SP4: variants seen among roughly 807,000 people sequenced by gnomAD.
The protein encoded by SP4 is Sp4 transcription factor, also known as transcription factor Sp4.
Under a neutral mutation model 72.8 loss-of-function variants are expected in SP4, and 19 were observed. That is an observed-to-expected ratio of 0.26 (90% CI 0.18 to 0.38). The LOEUF (loss-of-function observed/expected upper bound fraction) is 0.38. Ranked by LOEUF, SP4 falls within the 10% of genes least tolerant of loss-of-function variation. The pLI is 1.00. For synonymous variants in SP4, 395 were observed against 333.1 expected (o/e 1.19, Z -2.02); for missense variants, 1,008 against 926.3 (o/e 1.09, Z -1.14).
In SP4 at chr7:21,435,969, A is replaced by G. The variant is rs543276022; in HGVS notation, c.1678+5126A>G. 4.6e-5 allele frequency among the ~76,000 whole-genome samples: 7 copies of G among 152,040 alleles called. No individual in the cohort carries two copies. The South Asian group carries it at 1.5e-3, about 32-fold the overall frequency. On this transcript the variant is annotated intron_variant, in intron 3 of 5. Transcript: ENST00000222584. The stretch of plus-strand genomic sequence containing the variant: ...CCAGGCTGGAGTGCAGTGGCACGAT[A>G]TCTGTTCCAACCTCCACCTCCTGGG...
chr7:21,469,630 C>T (rs541149642), intron 3 of SP4, among the ~76,000 whole-genome samples: 1 of 151,008 alleles, frequency 6.6e-6, no homozygotes, highest in African/African-American at 2.4e-5. Context: ...CAACCTCCGC[C>T]TCCCGGATCC....
intron 3 of SP4, among the ~76,000 whole-genome samples, chr7:21,447,647 C>G (rs1023333905): frequency 6.6e-5 from 10 of 152,164 alleles, no homozygotes; most frequent in Admixed American, 5.9e-4. Context: ...TACTGGCATG[C>G]ATAGAGTTTA....
At chr7:21,433,308 T>C (rs1017587686) in intron 3 of SP4, among the ~76,000 whole-genome samples, 1 of 152,218 alleles carries the variant, frequency 6.6e-6, no homozygotes, top group Admixed American at 6.5e-5. Context: ...CATAGTTGGA[T>C]TCTTTTCCCC....
At chr7:21,479,054 C>G (rs542709832) in intron 4 of SP4, among the ~76,000 whole-genome samples, 1 of 146,180 alleles carries the variant, frequency 6.8e-6, no homozygotes, top group Non-Finnish European at 1.5e-5. Flanking sequence ...GGTGAAAGAG[C>G]GAAACTCCAT....
intron 5 of SP4, among the ~76,000 whole-genome samples, chr7:21,490,501 C>T (rs979573478): frequency 2.6e-5 from 4 of 152,226 alleles, no homozygotes; most frequent in African/African-American, 9.6e-5. Flanking sequence ...TCTGTCTTGC[C>T]ACTTCTACTC....
chr7:21,440,641 G>A (rs1045403019), intron 3 of SP4, among the ~76,000 whole-genome samples: 1 of 152,024 alleles, frequency 6.6e-6, no homozygotes, highest in Non-Finnish European at 1.5e-5. Context: ...CTTGAGCTCA[G>A]GAGTTTGAGA....
chr7:21,431,602 T>C (rs1355870905), intron 3 of SP4, among the ~76,000 whole-genome samples: 3 of 152,262 alleles, frequency 2.0e-5, no homozygotes, highest in Non-Finnish European at 2.9e-5. Flanking sequence ...AAAGTTATTT[T>C]TAAACCTATT....
chr7:21,485,166 A>G (rs1418642256), intron 5 of SP4, among the ~76,000 whole-genome samples: 1 of 151,952 alleles, frequency 6.6e-6, no homozygotes, highest in Admixed American at 6.6e-5. Context: ...TGAAATAAGT[A>G]TTGATTAAGC....
At chr7:21,445,766 A>C (rs1783402301) in intron 3 of SP4, among the ~76,000 whole-genome samples, 2 of 152,160 alleles carry the variant, frequency 1.3e-5, no homozygotes, top group South Asian at 4.1e-4. Flanking sequence ...CTGTTTCATC[A>C]CAAATCCTTG....
chr7:21,482,228 G>A, intron 5 of SP4, 105 bp downstream of exon 5: 1 of 834,098 alleles, frequency 1.2e-6, no homozygotes, highest in Non-Finnish European at 1.9e-6. Flanking sequence ...AAATGAAGGA[G>A]AAGGCATTTA....
At position 21,491,483 on chromosome 7, in the gene SP4, C is replaced by G. The variant is rs374932178; in HGVS notation, c.2107+9360C>G. Among the ~76,000 whole-genome samples the G allele has an allele frequency of 3.3e-5, 5 of 152,182 alleles. No homozygotes were observed. In the South Asian group the frequency reaches 1.0e-3, roughly 32 times the overall value. On this transcript the variant is annotated intron_variant, in intron 5 of 5. Coordinates refer to ENST00000222584, the MANE Select transcript of SP4 (RefSeq NM_003112.5). ...GTCTCCCAGAAGGAAAGGAAAAATACTGCTGTAAGACAAAATTTGAAGAAA... is the reference window on the plus strand; with the variant it reads ...GTCTCCCAGAAGGAAAGGAAAAATAGTGCTGTAAGACAAAATTTGAAGAAA...
At chr7:21,470,749 G>GAAAAAAAAAAAAAAAAAAAAAAAGA (rs11406915) in intron 3 of SP4, among the ~76,000 whole-genome samples, 1 of 105,348 alleles carries the variant, frequency 9.5e-6, no homozygotes. Flanking sequence ...TCTATATTTG[G>GAAAAAAAAAAAAAAAAAAAAAAAGA]AAAAAAAAAA....
intron 5 of SP4, among the ~76,000 whole-genome samples, chr7:21,506,557 T>C (rs1187892931): frequency 6.6e-6 from 1 of 152,222 alleles, no homozygotes; most frequent in Non-Finnish European, 1.5e-5. Flanking sequence ...GTAAGTCTTT[T>C]CTGACTACCT....
rs1160894606 is a variant in SP4, at chr7:21,430,171, G to A, written c.1006G>A (p.Asp336Asn). ...TTASTSLTSS[D>N]TLVSSADTGQ... The stretch of plus-strand genomic sequence containing the variant: ...TGCTTCAACGTCTTTGACAAGCAGT[G>A]ACACATTAGTGAGCTCAGCAGATAC... The change falls in exon 3 of 6, where the codon GAC becomes AAC. Residue 336 changes from aspartate to asparagine, a missense_variant. Asp to Asn is a conservative substitution (Grantham distance 23). Coordinates refer to ENST00000222584, the MANE Select transcript of SP4 (RefSeq NM_003112.5). 1.2e-6 allele frequency: 2 copies of A among 1,614,050 alleles called. No homozygotes were observed. The highest frequency in any genetic ancestry group is 1.7e-6 in the Non-Finnish European group (2 of 1,180,040).
chr7:21,450,955 G>A (rs1783576412), intron 3 of SP4, among the ~76,000 whole-genome samples: 1 of 152,202 alleles, frequency 6.6e-6, no homozygotes. Context: ...CCAAGCGGGC[G>A]ACATGAGAGT....
At chr7:21,478,639 T>G (rs1784586199) in intron 4 of SP4, among the ~76,000 whole-genome samples, 1 of 152,248 alleles carries the variant, frequency 6.6e-6, no homozygotes, top group Non-Finnish European at 1.5e-5. Flanking sequence ...TTGTTCTTAT[T>G]GGCCATGTTT....
intron 4 of SP4, among the ~76,000 whole-genome samples, chr7:21,477,546 C>A (rs115125277): frequency 1.3e-5 from 2 of 152,112 alleles, no homozygotes; most frequent in East Asian, 1.9e-4. Context: ...ACCCCTCCCC[C>A]ACCCCAACAA....
At position 21,488,405 on chromosome 7, in the gene SP4, C is replaced by A. The variant is rs79273261; in HGVS notation, c.2107+6282C>A. ...CATTGACTGTCTTCTAGAACATATTCTCTTCCTTGACAATTTATTTTCTAG... is the reference window on the plus strand; with the variant it reads ...CATTGACTGTCTTCTAGAACATATTATCTTCCTTGACAATTTATTTTCTAG... On this transcript the variant is annotated intron_variant, in intron 5 of 5. Coordinates refer to ENST00000222584, the MANE Select transcript of SP4 (RefSeq NM_003112.5). Among the ~76,000 whole-genome samples, 6 of 150,986 alleles carry A rather than the reference C, an allele frequency of 4.0e-5. No homozygotes were observed. The East Asian group carries it at 1.2e-3, about 29-fold the overall frequency.
chr7:21,450,701 C>T (rs1431700511), intron 3 of SP4, among the ~76,000 whole-genome samples: 2 of 152,168 alleles, frequency 1.3e-5, no homozygotes, highest in Admixed American at 1.3e-4. Context: ...AGTTAACTCT[C>T]TGCCCAGGAA....
Sources: gnomAD v4.1 joint callset for allele counts (sites outside exome capture counted in the v4.1 genomes callset) on GRCh38, gnomAD v4.1.1 for gene constraint, MANE v1.5 for transcripts, NCBI Gene and HGNC (gene_info 2026-07-23, HGNC 2026-07-21) for gene names.